MADD: variants seen among roughly 807,000 people sequenced by gnomAD.
MADD encodes MAP kinase activating death domain.
MADD carries 109 observed loss-of-function variants against 176.7 expected under a neutral mutation model. The observed-to-expected ratio is 0.62, with a 90% confidence interval of 0.53 to 0.72. The LOEUF is 0.72. Ranked by LOEUF, MADD falls within the 30% of genes least tolerant of loss-of-function variation. The pLI is 0.00. For missense variants in MADD, 1,914 were observed against 2,045.5 expected (o/e 0.94, Z 1.24); for synonymous variants, 771 against 771.3 (o/e 1.00, Z 0.01).
chr11:47,282,878 CA>C lies in MADD; in HGVS notation c.1772del (p.His591ProfsTer15), dbSNP rs750742634. 1 of 1,614,182 alleles carries C rather than the reference CA, an allele frequency of 6.2e-7. No homozygotes were observed. The highest frequency in any genetic ancestry group is 1.1e-5 in the South Asian group (1 of 91,084). On this transcript the variant is annotated frameshift_variant, in exon 10 of 33. Coordinates refer to ENST00000402192, the Ensembl canonical transcript of MADD. LOFTEE classifies it high-confidence loss of function. Reference sequence around the variant, plus strand: ...GTATGCTCATCAGCTGCAGCCTATCCACTATCGCGTCTATGACAGCAATTCC... The same window carrying C: ...GTATGCTCATCAGCTGCAGCCTATCCCTATCGCGTCTATGACAGCAATTCC...
At chr11:47,304,189 T>G (rs1036360198) in intron 22 of MADD, among the ~76,000 whole-genome samples, 4 of 152,052 alleles carry the variant, frequency 2.6e-5, no homozygotes, top group Non-Finnish European at 5.9e-5. Context: ...GTCATTCTTC[T>G]GCTTGATCAA....
intron 7 of MADD, among the ~76,000 whole-genome samples, 191 bp downstream of exon 7, chr11:47,279,270 C>A (rs1479725743): frequency 6.6e-6 from 1 of 151,876 alleles, no homozygotes; most frequent in Non-Finnish European, 1.5e-5. Flanking sequence ...GATTCCAATT[C>A]ATTGTATGCT....
chr11:47,317,109 A>G (rs1295811051), intron 27 of MADD, among the ~76,000 whole-genome samples: 2 of 152,094 alleles, frequency 1.3e-5, no homozygotes, highest in African/African-American at 4.8e-5. Context: ...TGCTTTTTTC[A>G]TTTAACATTG....
At chr11:47,308,282 C>T (rs1334264536) in intron 22 of MADD, among the ~76,000 whole-genome samples, 1 of 152,180 alleles carries the variant, frequency 6.6e-6, no homozygotes, top group Admixed American at 6.5e-5. Flanking sequence ...ATGGCAAACC[C>T]TGGGTTCTTT....
chr11:47,317,480 C>T (rs747906863), intron 27 of MADD, among the ~76,000 whole-genome samples: 1 of 152,154 alleles, frequency 6.6e-6, no homozygotes, highest in African/African-American at 2.4e-5. Context: ...CTCCTACATT[C>T]TAGATTTTTT....
intron 27 of MADD, among the ~76,000 whole-genome samples, chr11:47,323,056 G>A (rs1393100364): frequency 6.6e-6 from 1 of 152,094 alleles, no homozygotes; most frequent in African/African-American, 2.4e-5. Context: ...TGGCCAACAT[G>A]GTGAAACCCT....
intron 1 of MADD, among the ~76,000 whole-genome samples, chr11:47,272,942 G>T (rs185845836): frequency 6.6e-6 from 1 of 152,192 alleles, no homozygotes; most frequent in Non-Finnish European, 1.5e-5. Context: ...CTCCTTTCTT[G>T]CCTGAAGGAG....
At position 47,295,436 on chromosome 11, in the gene MADD, T is replaced by C. The variant is rs73451752; in HGVS notation, c.3403-60T>C. 4,624 of 1,360,598 alleles carry C rather than the reference T, an allele frequency of 3.4e-3. 122 individuals carry two copies. In the African/African-American group the frequency reaches 0.056, roughly 17 times the overall value. 84.3% of individuals were successfully genotyped at this position (1,360,598 alleles called of 1,614,324 possible). A position where few individuals can be genotyped will look rare whatever the true frequency, so the allele number is the denominator to read the frequency against. ...AGGAGAAAGAAAAAGGTACAGTATT[T>C]CTGTGGGAAACTGAGAGGAGATTGG... On this transcript the variant is annotated intron_variant, in intron 20 of 32. Coordinates refer to ENST00000402192, the Ensembl canonical transcript of MADD.
At chr11:47,295,361 C>A in intron 20 of MADD, 135 bp from the exon 23 acceptor site, 1 of 664,004 alleles carries the variant, frequency 1.5e-6, no homozygotes, top group Admixed American at 2.7e-5. Flanking sequence ...ATTCTGGAAA[C>A]AAAAGTTGCT....
rs1167506317 is a variant in MADD, at chr11:47,284,932, G to A, written c.2158-9G>A. The A allele has an allele frequency of 6.2e-7, 1 of 1,613,002 alleles. No individual in the cohort carries two copies. Among genetic ancestry groups the A allele is most frequent in the Non-Finnish European group, 8.5e-7 (1 of 1,179,694 alleles). On this transcript the variant is annotated splice_polypyrimidine_tract_variant and intron_variant, in intron 12 of 32. Transcript: ENST00000402192. Reference sequence around the variant, plus strand: ...CAGGTAACCACTTTTAATTTCATGCGGCCTTTAGGAACCTGCTGACTCTAC... The same window carrying A: ...CAGGTAACCACTTTTAATTTCATGCAGCCTTTAGGAACCTGCTGACTCTAC...
chr11:47,274,576 G>T, exon 3 of MADD: 1 of 1,611,358 alleles, frequency 6.2e-7, no homozygotes, highest in Non-Finnish European at 8.5e-7. Flanking sequence ...CCCGAGCAGT[G>T]ATAGCGTGGC....
At chr11:47,298,102 G>A (rs1397186284) in intron 22 of MADD, among the ~76,000 whole-genome samples, 1 of 152,090 alleles carries the variant, frequency 6.6e-6, no homozygotes, top group Non-Finnish European at 1.5e-5. Flanking sequence ...TTACATATTA[G>A]TTCAACCTTC....
chr11:47,285,984 T>C (rs1033097680), intron 14 of MADD, among the ~76,000 whole-genome samples: 2 of 152,196 alleles, frequency 1.3e-5, no homozygotes, highest in African/African-American at 2.4e-5. Flanking sequence ...CGATATGAGA[T>C]TGAATTTTGT....
Position 47,289,375 on chromosome 11 carries a change from G to T in MADD, c.2654-16G>T. On this transcript the variant is annotated splice_polypyrimidine_tract_variant and intron_variant, in intron 15 of 32. Coordinates refer to ENST00000402192, the Ensembl canonical transcript of MADD. ...TACAATAGTGATGTCTCTCATTCCT[G>T]CCTTCCCTGCCACAGGAAACAGGAG... 1 of 1,599,624 alleles carries T rather than the reference G, an allele frequency of 6.3e-7. No homozygotes were observed. The highest frequency in any genetic ancestry group is 8.6e-7 in the Non-Finnish European group (1 of 1,166,724).
At chr11:47,271,470 A>C (rs1963556865) in intron 1 of MADD, among the ~76,000 whole-genome samples, 1 of 152,238 alleles carries the variant, frequency 6.6e-6, no homozygotes, top group Non-Finnish European at 1.5e-5. Context: ...TGGCTCTGGA[A>C]GGAAATGATT....
At chr11:47,277,018 A>C (rs1158255869) in intron 5 of MADD, among the ~76,000 whole-genome samples, 155 bp downstream of exon 5, 1 of 152,202 alleles carries the variant, frequency 6.6e-6, no homozygotes, top group African/African-American at 2.4e-5. Flanking sequence ...ATCTGGTGGC[A>C]AGGCTTATGC....
At chr11:47,282,933 C>T (rs773832887) in exon 10 of MADD, 1 of 1,613,834 alleles carries the variant, frequency 6.2e-7, no homozygotes, top group Non-Finnish European at 8.5e-7. Flanking sequence ...AGTGTACCAC[C>T]AGAGCGGGAC....
exon 31 of MADD, chr11:47,326,746 A>G (rs771498150): frequency 1.2e-6 from 2 of 1,614,132 alleles, no homozygotes; most frequent in Admixed American, 3.3e-5. Flanking sequence ...AGGTTTTCAT[A>G]GAGCTGAATC....
chr11:47,290,289 C>T, exon 18 of MADD: 2 of 1,613,992 alleles, frequency 1.2e-6, no homozygotes, highest in Non-Finnish European at 1.7e-6. Flanking sequence ...AGACCCACTA[C>T]TATAGTAAAG....
Sources: allele counts gnomAD v4.1 joint callset (sites outside exome capture counted in the v4.1 genomes callset), GRCh38; gene constraint gnomAD v4.1.1; transcripts MANE v1.5; gene names NCBI Gene and HGNC (gene_info 2026-07-23, HGNC 2026-07-21).